PTPRD: variants seen among roughly 807,000 people sequenced by gnomAD.
PTPRD encodes the protein protein tyrosine phosphatase receptor type D, also known as receptor-type tyrosine-protein phosphatase delta.
Under a neutral mutation model 214.5 loss-of-function variants are expected in PTPRD, and 34 were observed. That is an observed-to-expected ratio of 0.16 (90% confidence interval 0.12 to 0.21). The LOEUF is 0.21. PTPRD is among the 10% of genes least tolerant of loss of function. PTPRD has a pLI of 1.00. For synonymous variants in PTPRD, 1,128 were observed against 845.7 expected (o/e 1.33, Z -5.79); for missense variants, 2,545 against 2,398.7 (o/e 1.06, Z -1.27).
chr9:9,126,098 G>C (rs186178651), intron 10 of PTPRD, among the ~76,000 whole-genome samples: 1 of 152,152 alleles, frequency 6.6e-6, no homozygotes, highest in Non-Finnish European at 1.5e-5. Context: ...ATTATACAGA[G>C]CTTTTAAAGG....
At chr9:10,502,070 G>C (rs557034469) in intron 2 of PTPRD, among the ~76,000 whole-genome samples, 1 of 151,858 alleles carries the variant, frequency 6.6e-6, no homozygotes, top group Non-Finnish European at 1.5e-5. Flanking sequence ...TAAGAAAATA[G>C]TGTGCTATTG....
intron 14 of PTPRD, among the ~76,000 whole-genome samples, chr9:8,610,779 A>G (rs1468949202): frequency 6.6e-6 from 1 of 152,202 alleles, no homozygotes; most frequent in Non-Finnish European, 1.5e-5. Flanking sequence ...TTTTTAGAAG[A>G]GCTTTAATTT....
intron 14 of PTPRD, among the ~76,000 whole-genome samples, chr9:8,615,683 CTTTA>C (rs1376607257): frequency 1.3e-5 from 2 of 151,796 alleles, no homozygotes; most frequent in Non-Finnish European, 2.9e-5. Flanking sequence ...CTTTTCCTGT[CTTTA>C]TTTAATAGCT....
chr9:9,473,607 G>T (rs1472909190), intron 8 of PTPRD, among the ~76,000 whole-genome samples: 1 of 152,120 alleles, frequency 6.6e-6, no homozygotes, highest in Admixed American at 6.5e-5. Flanking sequence ...GTGTGTAAGA[G>T]TTCCCTTTCC....
At chr9:8,806,239 T>C (rs1256373634) in intron 11 of PTPRD, among the ~76,000 whole-genome samples, 2 of 147,206 alleles carry the variant, frequency 1.4e-5, no homozygotes, top group South Asian at 2.2e-4. Flanking sequence ...TTACACTTTT[T>C]TTTTTGGTGG....
At chr9:9,384,501 G>C (rs1046088673) in intron 9 of PTPRD, among the ~76,000 whole-genome samples, 1 of 151,024 alleles carries the variant, frequency 6.6e-6, no homozygotes, top group Non-Finnish European at 1.5e-5. Flanking sequence ...CTTGCAGTAA[G>C]TATTCACTAC....
intron 2 of PTPRD, among the ~76,000 whole-genome samples, chr9:10,469,519 C>T (rs1161677197): frequency 4.0e-5 from 6 of 151,728 alleles, no homozygotes; most frequent in South Asian, 2.1e-4. Flanking sequence ...TTTTATGAAA[C>T]GTGAAAAGCT....
intron 6 of PTPRD, among the ~76,000 whole-genome samples, chr9:9,765,962 C>G (rs1358149331): frequency 6.6e-6 from 1 of 152,092 alleles, no homozygotes; most frequent in Non-Finnish European, 1.5e-5. Flanking sequence ...GCGCCCAGCC[C>G]GTAAATTCTT....
chr9:8,746,211 C>T (rs1991932), intron 11 of PTPRD, among the ~76,000 whole-genome samples: 2,120 of 152,156 alleles, frequency 0.014, 47 homozygotes, highest in African/African-American at 0.048. Context: ...CTGGTTATCT[C>T]AGTGGAGAGA....
intron 11 of PTPRD, among the ~76,000 whole-genome samples, chr9:8,982,123 T>G (rs569002602): frequency 6.6e-6 from 1 of 152,040 alleles, no homozygotes; most frequent in African/African-American, 2.4e-5. Context: ...ACACACTGAA[T>G]TTAATAATTT....
At chr9:10,107,813 T>C (rs1057342584) in intron 3 of PTPRD, among the ~76,000 whole-genome samples, 7 of 152,132 alleles carry the variant, frequency 4.6e-5, no homozygotes, top group Non-Finnish European at 1.0e-4. Context: ...ATTAAACTCA[T>C]TGTCCTTCCT....
chr9:9,377,756 CAG>C (rs2061173211), intron 9 of PTPRD, among the ~76,000 whole-genome samples: 1 of 151,922 alleles, frequency 6.6e-6, no homozygotes, highest in African/African-American at 2.4e-5. Flanking sequence ...GGTGGGGGCT[CAG>C]GGGGTGGTAA....
chr9:8,887,759 G>A (rs2098503774), intron 11 of PTPRD, among the ~76,000 whole-genome samples: 1 of 152,084 alleles, frequency 6.6e-6, no homozygotes, highest in Non-Finnish European at 1.5e-5. Context: ...GTTTTCAATT[G>A]TTGATATGTC....
chr9:9,414,786 A>G (rs1480000990), intron 8 of PTPRD: 1 of 152,216 alleles, frequency 6.6e-6, no homozygotes, highest in East Asian at 1.9e-4. Flanking sequence ...TTTATTTCCC[A>G]TGAGGCACTG....
chr9:8,564,425 A>C (rs994106346), intron 14 of PTPRD, among the ~76,000 whole-genome samples: 4 of 152,136 alleles, frequency 2.6e-5, no homozygotes, highest in Admixed American at 2.0e-4. Context: ...CAGGCCGGGC[A>C]CGGTAGCTCA....
Position 8,636,858 on chromosome 9 carries a change from T to TA in PTPRD, c.65-15dup. ...ACCTTGGAGGTGCTGAAATAAAAAATAAACATCACAGTTAAATTGAAAACT... is the reference window on the plus strand; with the variant it reads ...ACCTTGGAGGTGCTGAAATAAAAAATAAAACATCACAGTTAAATTGAAAACT... On this transcript the variant is annotated splice_polypyrimidine_tract_variant and intron_variant, in intron 12 of 45. Transcript: ENST00000381196. 1 of 1,609,168 alleles carries TA rather than the reference T, an allele frequency of 6.2e-7. No homozygotes were observed. The highest frequency in any genetic ancestry group is 8.5e-7 in the Non-Finnish European group (1 of 1,176,176).
rs1359127184 is a variant in PTPRD, at chr9:9,563,342, CT to C, written c.-237+11389del. 1.1e-4 allele frequency among the ~76,000 whole-genome samples: 17 copies of C among 152,224 alleles called. No homozygotes were observed. The East Asian group carries it at 3.3e-3, about 29-fold the overall frequency. On this transcript the variant is annotated intron_variant, in intron 8 of 45. Coordinates refer to ENST00000381196, the MANE Select transcript of PTPRD (RefSeq NM_002839.4). ...ACTATTATAAGGTGGGATCAGAATGCTTTGACAATATGATAACTCCAGTATC... is the reference window on the plus strand; with the variant it reads ...ACTATTATAAGGTGGGATCAGAATGCTTGACAATATGATAACTCCAGTATC...
At chr9:10,276,950 G>C (rs1245989925) in intron 3 of PTPRD, among the ~76,000 whole-genome samples, 2 of 152,136 alleles carry the variant, frequency 1.3e-5, no homozygotes, top group Non-Finnish European at 2.9e-5. Flanking sequence ...GTGGGATATG[G>C]TAAAGAATAA....
At chr9:10,133,185 G>A (rs1023499540) in intron 3 of PTPRD, among the ~76,000 whole-genome samples, 2 of 152,094 alleles carry the variant, frequency 1.3e-5, no homozygotes, top group African/African-American at 4.8e-5. Context: ...GCAGATTTTG[G>A]GGATGGAGAT....
Sources: gnomAD v4.1 joint callset for allele counts (sites outside exome capture counted in the v4.1 genomes callset) on GRCh38, gnomAD v4.1.1 for gene constraint, MANE v1.5 for transcripts, NCBI Gene and HGNC (gene_info 2026-07-23, HGNC 2026-07-21) for gene names.